CARF: variants seen among roughly 807,000 people sequenced by gnomAD.
CARF encodes calcium responsive transcription factor.
A neutral mutation model predicts 82.0 loss-of-function variants in CARF; 57 were observed. The observed-to-expected ratio is 0.70, with a 90% confidence interval of 0.56 to 0.87. The LOEUF (loss-of-function observed/expected upper bound fraction) is 0.87. Among genes scored for constraint, CARF ranks in the 40% least tolerant of loss-of-function variants. The pLI, the probability that CARF is intolerant of heterozygous loss-of-function variation, is 0.00. For missense variants in CARF, 771 were observed against 855.8 expected (o/e 0.90, Z 1.24); for synonymous variants, 268 against 290.1 (o/e 0.92, Z 0.77).
intron 3 of CARF, among the ~76,000 whole-genome samples, chr2:202,931,953 G>A (rs1345682236): frequency 2.0e-5 from 3 of 152,180 alleles, no homozygotes. Context: ...ATAAAGAAAA[G>A]AGGTTTAATT....
At chr2:202,934,149 A>G (rs1693487859) in intron 3 of CARF, among the ~76,000 whole-genome samples, 2 of 152,164 alleles carry the variant, frequency 1.3e-5, no homozygotes, top group Admixed American at 1.3e-4. Context: ...CATGGGCCAC[A>G]GGTTGGACAA....
intron 12 of CARF, chr2:202,973,453 T>G (rs1341507082): frequency 6.9e-6 from 3 of 435,834 alleles, no homozygotes; most frequent in Non-Finnish European, 1.4e-5. Flanking sequence ...TCTATTTCTA[T>G]CTTCTTTTGT....
In CARF at chr2:202,932,008, C is replaced by T. The variant is rs575961493; in HGVS notation, c.-44+7593C>T. The stretch of plus-strand genomic sequence containing the variant: ...TGTACAGGAAGCATTGTGGCTTCTA[C>T]TGGGGAGGCGTCAGGAAGCTTCCAG... On this transcript the variant is annotated intron_variant, in intron 3 of 16. Coordinates refer to ENST00000438828, the MANE Select transcript of CARF (RefSeq NM_024744.17). Among the ~76,000 whole-genome samples the T allele has an allele frequency of 6.6e-5, 10 of 152,234 alleles. No individual in the cohort carries two copies. The East Asian group carries it at 1.7e-3, about 26-fold the overall frequency.
At chr2:202,961,049 T>C (rs982581160) in intron 8 of CARF, among the ~76,000 whole-genome samples, 188 bp from the exon 9 acceptor site, 1 of 152,216 alleles carries the variant, frequency 6.6e-6, no homozygotes, top group East Asian at 1.9e-4. Flanking sequence ...TGGCATTATA[T>C]TCCCTAACAA....
chr2:202,957,587 T>C (rs978779061), intron 8 of CARF, among the ~76,000 whole-genome samples: 1 of 152,206 alleles, frequency 6.6e-6, no homozygotes, highest in Non-Finnish European at 1.5e-5. Context: ...TTTCTATAAA[T>C]TATCTAATGA....
intron 14 of CARF, among the ~76,000 whole-genome samples, chr2:202,979,538 C>T (rs544419550): frequency 3.3e-5 from 5 of 151,996 alleles, no homozygotes; most frequent in Non-Finnish European, 5.9e-5. Context: ...AGTGACTCAA[C>T]GCCTGTAATC....
rs561325091 is a variant in CARF, at chr2:202,935,372, C to T, written c.-43-6488C>T. 7.4e-5 allele frequency among the ~76,000 whole-genome samples: 11 copies of T among 148,024 alleles called. No homozygotes were observed. The East Asian group carries it at 2.0e-3, about 26-fold the overall frequency. On this transcript the variant is annotated intron_variant, in intron 3 of 16. Transcript: ENST00000438828. ...TAGAATAGTAAATGAAGCCAGTGTA[C>T]AATTATCAGTGTATGACCAATCTTG...
intron 13 of CARF, among the ~76,000 whole-genome samples, chr2:202,976,170 T>G (rs2060018342): frequency 6.6e-6 from 1 of 152,044 alleles, no homozygotes; most frequent in Non-Finnish European, 1.5e-5. Context: ...GGATATCAGT[T>G]TAACTCATAC....
intron 5 of CARF, among the ~76,000 whole-genome samples, chr2:202,943,414 A>T (rs1333423321): frequency 6.6e-6 from 1 of 152,072 alleles, no homozygotes; most frequent in East Asian, 1.9e-4. Flanking sequence ...TTTCATTTTT[A>T]TGTAAGGATT....
At chr2:202,977,001 C>T (rs2060057897) in intron 13 of CARF, among the ~76,000 whole-genome samples, 1 of 152,184 alleles carries the variant, frequency 6.6e-6, no homozygotes, top group Non-Finnish European at 1.5e-5. Context: ...CTGTACCCAG[C>T]CCAATAACTC....
intron 8 of CARF, among the ~76,000 whole-genome samples, chr2:202,958,199 CATT>C: frequency 6.7e-6 from 1 of 149,254 alleles, no homozygotes; most frequent in Non-Finnish European, 1.5e-5. Flanking sequence ...TTTGTTAGGA[CATT>C]ATTGTTGTTG....
intron 9 of CARF, among the ~76,000 whole-genome samples, chr2:202,964,403 A>T (rs1226349012): frequency 6.6e-6 from 1 of 151,966 alleles, no homozygotes; most frequent in Non-Finnish European, 1.5e-5. Flanking sequence ...CCTCAGCTTC[A>T]TGAGTAGCTG....
At chr2:202,949,182 A>T (rs2058640248) in intron 5 of CARF, among the ~76,000 whole-genome samples, 1 of 152,010 alleles carries the variant, frequency 6.6e-6, no homozygotes, top group African/African-American at 2.4e-5. Context: ...AAAAATATGA[A>T]AATTAGCCAG....
chr2:202,978,740 A>G (rs1032393347), intron 14 of CARF, among the ~76,000 whole-genome samples: 1 of 152,128 alleles, frequency 6.6e-6, no homozygotes, highest in African/African-American at 2.4e-5. Context: ...TTAGGGTTTT[A>G]CTGGAGGGAT....
chr2:202,924,793 A>G, intron 3 of CARF: 1 of 180,190 alleles, frequency 5.5e-6, no homozygotes, highest in Non-Finnish European at 1.1e-5. Flanking sequence ...ATGGGTCTGG[A>G]GGGAGGCTAT....
At chr2:202,957,916 A>C (rs936106879) in intron 8 of CARF, among the ~76,000 whole-genome samples, 1 of 152,032 alleles carries the variant, frequency 6.6e-6, no homozygotes, top group African/African-American at 2.4e-5. Flanking sequence ...ACTGCATTCC[A>C]GTCCGTGACA....
In CARF at chr2:202,912,594, T is replaced by A. The variant is rs2105918740; in HGVS notation, c.-838T>A. On this transcript the variant is annotated 5_prime_UTR_variant, in exon 1 of 17. Coordinates refer to ENST00000438828, the MANE Select transcript of CARF (RefSeq NM_024744.17). ...CTGGCGGCGCCTTCCGCGCCAAGCT[T>A]GGGGGCCTTTTCGGGGTCCCACATG... 6.6e-6 allele frequency: 1 copy of A among 152,028 alleles called. No homozygotes were observed. Among genetic ancestry groups the A allele is most frequent in the Middle Eastern group, 3.4e-3 (1 of 294 alleles). The allele number at this position is 152,028 out of a possible 1,614,324, so 9.4% of individuals were successfully genotyped here. A position where few individuals can be genotyped will look rare whatever the true frequency, so the allele number is the denominator to read the frequency against.
At chr2:202,927,854 C>T (rs1174079929) in intron 3 of CARF, among the ~76,000 whole-genome samples, 1 of 150,144 alleles carries the variant, frequency 6.7e-6, no homozygotes, top group Non-Finnish European at 1.5e-5. Flanking sequence ...GGCTGGAGTG[C>T]CAGCGGCGTG....
intron 2 of CARF, among the ~76,000 whole-genome samples, chr2:202,921,163 G>A (rs1333955979): frequency 2.0e-5 from 3 of 152,030 alleles, no homozygotes; most frequent in Admixed American, 6.6e-5. Context: ...CACCGTGCCC[G>A]GCTCATTTTT....
Sources: gnomAD v4.1 joint callset for allele counts (sites outside exome capture counted in the v4.1 genomes callset) on GRCh38, gnomAD v4.1.1 for gene constraint, MANE v1.5 for transcripts, NCBI Gene and HGNC (gene_info 2026-07-23, HGNC 2026-07-21) for gene names.